CLVS1: variants seen among roughly 807,000 people sequenced by gnomAD.
CLVS1 encodes the protein clavesin-1.
A neutral mutation model predicts 33.1 loss-of-function variants in CLVS1; 10 were observed. The observed-to-expected ratio is 0.30, with a 90% CI of 0.19 to 0.51. CLVS1 has a LOEUF of 0.51. CLVS1 is among the 20% of genes least tolerant of loss of function. The probability of loss-of-function intolerance (pLI) is 0.97; values close to 1 mark genes in which losing one functional copy is unlikely to be tolerated. For missense variants in CLVS1, 343 were observed against 433.4 expected (o/e 0.79, Z 1.85); for synonymous variants, 163 against 166.1 (o/e 0.98, Z 0.14).
the CLVS1 span, among the ~76,000 whole-genome samples, chr8:61,033,009 GAA>G: frequency 1.0e-5 from 1 of 100,118 alleles, no homozygotes; most frequent in Non-Finnish European, 2.1e-5. Context: ...AAGAAAGAAA[GAA>G]AGAAAGAAAG....
intron 5 of CLVS1, among the ~76,000 whole-genome samples, chr8:61,495,255 T>A (rs1235342802): frequency 6.6e-6 from 1 of 152,166 alleles, no homozygotes; most frequent in Non-Finnish European, 1.5e-5. Flanking sequence ...TCTGACTGGG[T>A]AATGGGGGTG....
intron 2 of CLVS1, among the ~76,000 whole-genome samples, chr8:61,266,909 T>A (rs1245448421): frequency 6.6e-6 from 1 of 152,222 alleles, no homozygotes; most frequent in African/African-American, 2.4e-5. Flanking sequence ...CTCTTTTTTG[T>A]CAACCCGTAT....
intron 2 of CLVS1, among the ~76,000 whole-genome samples, chr8:61,261,819 C>G (rs772123131): frequency 6.6e-6 from 1 of 152,118 alleles, no homozygotes; most frequent in Non-Finnish European, 1.5e-5. Context: ...TGTTGATAAG[C>G]CACTGAGTCT....
chr8:61,331,910 T>C (rs1811617257), intron 2 of CLVS1, among the ~76,000 whole-genome samples: 1 of 152,018 alleles, frequency 6.6e-6, no homozygotes, highest in African/African-American at 2.4e-5. Context: ...GAAAGTTTTC[T>C]CATGTGTCAC....
At chr8:61,240,894 G>GT (rs549955338) in intron 2 of CLVS1, among the ~76,000 whole-genome samples, 45,558 of 130,714 alleles carry the variant, frequency 0.35, 8,066 homozygotes, top group Non-Finnish European at 0.38. Flanking sequence ...TTTGCTGTAG[G>GT]TTTTTTTTTT....
intron 2 of CLVS1, among the ~76,000 whole-genome samples, chr8:61,154,623 G>A (rs561092556): frequency 3.9e-5 from 6 of 152,198 alleles, no homozygotes; most frequent in African/African-American, 1.4e-4. Context: ...CTTTGTTCAA[G>A]TTCAGGATTA....
chr8:61,027,876 C>A, the CLVS1 span, among the ~76,000 whole-genome samples: 2 of 152,184 alleles, frequency 1.3e-5, no homozygotes, highest in African/African-American at 4.8e-5. Flanking sequence ...TCAAGGTAAT[C>A]TCATTCTAAT....
intron 2 of CLVS1, among the ~76,000 whole-genome samples, chr8:61,276,659 T>C (rs1465158233): frequency 1.3e-5 from 2 of 152,204 alleles, no homozygotes; most frequent in African/African-American, 4.8e-5. Context: ...CTTAATCAGG[T>C]TTGCATTCCT....
the CLVS1 span, among the ~76,000 whole-genome samples, chr8:61,049,133 A>T: frequency 2.0e-5 from 3 of 152,188 alleles, no homozygotes; most frequent in East Asian, 5.8e-4. Flanking sequence ...AGCCTGCTGA[A>T]TTTTCACAAG....
intron 1 of CLVS1, among the ~76,000 whole-genome samples, chr8:61,108,287 A>G (rs370119572): frequency 2.8e-4 from 42 of 152,204 alleles, no homozygotes; most frequent in East Asian, 2.1e-3. Flanking sequence ...TGCAACAAAA[A>G]TCTGCAATAT....
At chr8:61,150,378 T>C (rs1476650057) in intron 2 of CLVS1, among the ~76,000 whole-genome samples, 1 of 152,152 alleles carries the variant, frequency 6.6e-6, no homozygotes, top group Non-Finnish European at 1.5e-5. Flanking sequence ...CAGCTTTTGG[T>C]GACTTATCTA....
intron 3 of CLVS1, among the ~76,000 whole-genome samples, chr8:61,414,021 G>T (rs1395340345): frequency 6.6e-6 from 1 of 152,138 alleles, no homozygotes; most frequent in Non-Finnish European, 1.5e-5. Context: ...TAGCCTGGAG[G>T]ACCTAGACAA....
chr8:61,083,029 A>G (rs529998288), intron 1 of CLVS1, among the ~76,000 whole-genome samples: 2 of 152,348 alleles, frequency 1.3e-5, no homozygotes, highest in Admixed American at 1.3e-4. Context: ...TCTCAGACAA[A>G]CAAACATTAA....
intron 3 of CLVS1, among the ~76,000 whole-genome samples, chr8:61,389,384 A>C (rs1234351472): frequency 6.6e-6 from 1 of 151,448 alleles, no homozygotes; most frequent in African/African-American, 2.4e-5. Flanking sequence ...CTAAAAATAC[A>C]AAAAAAATTA....
chr8:61,154,987 T>TGC (rs1289101471), intron 2 of CLVS1, among the ~76,000 whole-genome samples: 1 of 152,174 alleles, frequency 6.6e-6, no homozygotes, highest in Admixed American at 6.5e-5. Context: ...TAGGTGTGTG[T>TGC]GCGTGTGTGC....
chr8:61,468,881 C>T (rs1817646262), intron 5 of CLVS1, among the ~76,000 whole-genome samples: 1 of 152,150 alleles, frequency 6.6e-6, no homozygotes, highest in South Asian at 2.1e-4. Context: ...CTACCAGGGG[C>T]AGAAAAGCAC....
intron 2 of CLVS1, among the ~76,000 whole-genome samples, chr8:61,270,368 T>G (rs940318940): frequency 1.3e-5 from 2 of 152,228 alleles, no homozygotes; most frequent in African/African-American, 4.8e-5. Context: ...TGAAGCCCAC[T>G]GGATTATTGT....
intron 1 of CLVS1, among the ~76,000 whole-genome samples, chr8:61,064,848 C>T (rs1486818933): frequency 1.3e-5 from 2 of 152,046 alleles, no homozygotes; most frequent in Non-Finnish European, 2.9e-5. Context: ...ACTACAGGTG[C>T]CCGCCACCAC....
intron 2 of CLVS1, among the ~76,000 whole-genome samples, chr8:61,240,363 T>C (rs2978554): frequency 0.69 from 105,269 of 152,042 alleles, 38,770 homozygotes; most frequent in East Asian, 0.97. Context: ...TCATCTAGTG[T>C]CAGTGCCTGG....
Sources: allele counts gnomAD v4.1 joint callset (sites outside exome capture counted in the v4.1 genomes callset), GRCh38; gene constraint gnomAD v4.1.1; transcripts MANE v1.5; gene names NCBI Gene and HGNC (gene_info 2026-07-23, HGNC 2026-07-21).